GAS2: variants seen among roughly 807,000 people sequenced by gnomAD.
GAS2 encodes the protein growth arrest specific 2, also known as growth arrest-specific protein 2.
Under a neutral mutation model 37.5 loss-of-function variants are expected in GAS2, and 20 were observed. The observed-to-expected ratio is 0.53, with a 90% CI of 0.37 to 0.77. GAS2 has a LOEUF of 0.77. Among genes scored for constraint, GAS2 ranks in the 30% least tolerant of loss-of-function variants. The probability of loss-of-function intolerance (pLI) is 0.00; values close to 1 mark genes in which losing one functional copy is unlikely to be tolerated. For missense variants in GAS2, 336 were observed against 373.4 expected, an observed-to-expected ratio of 0.90 and a Z score of 0.82; for synonymous variants, 144 against 132.2, an observed-to-expected ratio of 1.09 and a Z score of -0.61.
At chr11:22,797,398 T>C (rs1856479819) in intron 7 of GAS2, among the ~76,000 whole-genome samples, 1 of 152,126 alleles carries the variant, frequency 6.6e-6, no homozygotes. Flanking sequence ...CAGGAACTTT[T>C]TTCTGTTCAG....
rs150074863 is a variant in GAS2, at chr11:22,721,173, G to A, written c.268-5119G>A. Among the ~76,000 whole-genome samples, 176 of 152,056 alleles carry A rather than the reference G, an allele frequency of 1.2e-3. 2 individuals are homozygous for A. The highest frequency in any genetic ancestry group is 3.6e-3 in the African/African-American group (150 of 41,522). ...TGAAAGTGAACGTTGTGTACCTAGA[G>A]CACTGAAGGCACTTACAACATGAGT... On this transcript the variant is annotated intron_variant, in intron 3 of 7. Coordinates refer to ENST00000454584, the MANE Select transcript of GAS2 (RefSeq NM_001143830.3).
intron 7 of GAS2, among the ~76,000 whole-genome samples, chr11:22,783,058 CT>C (rs1333495277): frequency 1.3e-5 from 2 of 152,096 alleles, no homozygotes; most frequent in African/African-American, 2.4e-5. Context: ...ATTTACATAC[CT>C]CACCAACAGT....
intron 7 of GAS2, among the ~76,000 whole-genome samples, chr11:22,802,295 TG>T (rs1225955651): frequency 8.0e-5 from 12 of 150,184 alleles, no homozygotes; most frequent in Admixed American, 7.3e-4. Flanking sequence ...ACATCACACA[TG>T]GGGGCCTGTT....
intron 7 of GAS2, among the ~76,000 whole-genome samples, chr11:22,772,665 G>A (rs1855042733): frequency 6.6e-6 from 1 of 152,106 alleles, no homozygotes; most frequent in Admixed American, 6.5e-5. Flanking sequence ...TCCATTTGGA[G>A]GGGCTAAAAA....
At chr11:22,805,289 A>G (rs1474754892) in intron 7 of GAS2, among the ~76,000 whole-genome samples, 2 of 152,198 alleles carry the variant, frequency 1.3e-5, no homozygotes, top group Non-Finnish European at 2.9e-5. Context: ...GTAAAGTTTT[A>G]AAGTACATAT....
At chr11:22,719,003 G>A (rs1196396476) in intron 3 of GAS2, among the ~76,000 whole-genome samples, 1 of 151,974 alleles carries the variant, frequency 6.6e-6, no homozygotes, top group Non-Finnish European at 1.5e-5. Flanking sequence ...CAATGACATA[G>A]TAATCTTTTT....
intron 7 of GAS2, among the ~76,000 whole-genome samples, chr11:22,807,921 C>T (rs764451000): frequency 6.6e-6 from 1 of 152,144 alleles, no homozygotes; most frequent in East Asian, 1.9e-4. Flanking sequence ...AGTTGCTTGA[C>T]ACTGTCTGGG....
chr11:22,651,016 T>A (rs1848768754), intron 1 of GAS2, among the ~76,000 whole-genome samples: 2 of 152,208 alleles, frequency 1.3e-5, no homozygotes, highest in African/African-American at 4.8e-5. Flanking sequence ...CCTAGTCTTG[T>A]TGGTCTTTAC....
At chr11:22,651,457 C>A (rs1224028735) in intron 1 of GAS2, among the ~76,000 whole-genome samples, 1 of 152,042 alleles carries the variant, frequency 6.6e-6, no homozygotes, top group African/African-American at 2.4e-5. Flanking sequence ...TGAATCTGAA[C>A]GTTGGCCTGC....
chr11:22,771,244 C>T (rs1296081178), intron 7 of GAS2, among the ~76,000 whole-genome samples: 1 of 152,092 alleles, frequency 6.6e-6, no homozygotes, highest in African/African-American at 2.4e-5. Flanking sequence ...AATTCTTGTG[C>T]TCCAGGAATG....
Position 22,674,865 on chromosome 11 carries a change from A to G in GAS2, c.-5A>G. 1 of 1,576,290 alleles carries G rather than the reference A, an allele frequency of 6.3e-7. No homozygotes were observed. The highest frequency in any genetic ancestry group is 8.6e-7 in the Non-Finnish European group (1 of 1,163,700). On this transcript the variant is annotated 5_prime_UTR_variant, in exon 2 of 8. It adds an upstream start codon to the 5' untranslated region. Coordinates refer to ENST00000454584, the MANE Select transcript of GAS2 (RefSeq NM_001143830.3). ...TCCAAAACAGGTATTACAAGTGGAT[A>G]AATAATGTGCACTGCTCTGAGCCCA...
intron 3 of GAS2, among the ~76,000 whole-genome samples, chr11:22,708,072 T>C (rs1590680374): frequency 7.0e-6 from 1 of 143,074 alleles, no homozygotes; most frequent in Non-Finnish European, 1.5e-5. Context: ...AAAACAACAA[T>C]GAGCTAGATT....
At chr11:22,747,190 T>C (rs1347142417) in intron 5 of GAS2, among the ~76,000 whole-genome samples, 1 of 152,178 alleles carries the variant, frequency 6.6e-6, no homozygotes. Flanking sequence ...CTTATTTTTA[T>C]ATGAGAATAG....
chr11:22,661,018 T>C (rs983203960), intron 1 of GAS2, among the ~76,000 whole-genome samples: 3 of 152,254 alleles, frequency 2.0e-5, no homozygotes, highest in South Asian at 2.1e-4. Flanking sequence ...GTTACAATAA[T>C]GGAAGTTTCA....
chr11:22,766,368 GC>G (rs1854695456), intron 7 of GAS2, among the ~76,000 whole-genome samples: 1 of 151,786 alleles, frequency 6.6e-6, no homozygotes, highest in South Asian at 2.1e-4. Context: ...AAGTGTCAAA[GC>G]CTTTATTTGA....
In GAS2 at chr11:22,629,035, G is replaced by GTA. The variant is rs564605468; in HGVS notation, c.-21+3235_-21+3236dup. 9.6e-3 allele frequency among the ~76,000 whole-genome samples: 1,452 copies of GTA among 151,446 alleles called. 21 individuals carry two copies. The highest frequency in any genetic ancestry group is 0.033 in the African/African-American group (1,344 of 41,270). On this transcript the variant is annotated intron_variant, in intron 1 of 5. Transcript: ENST00000528582. Reference sequence around the variant, plus strand: ...TGTGTGTATGTATGTATGCATGTGTGTATATATATATATAACTTTTTTATC... The same window carrying GTA: ...TGTGTGTATGTATGTATGCATGTGTGTATATATATATATATAACTTTTTTATC...
In GAS2 at chr11:22,748,300, A is replaced by C. The variant is rs576230069; in HGVS notation, c.474-820A>C. 1.2e-4 allele frequency among the ~76,000 whole-genome samples: 19 copies of C among 152,108 alleles called. No individual in the cohort carries two copies. In the East Asian group the frequency reaches 3.3e-3, roughly 26 times the overall value. On this transcript the variant is annotated intron_variant, in intron 5 of 7. Transcript: ENST00000454584. ...GAGAGGGTGTAAATTGATGATCCCC[A>C]AAACCCTTCACAACTCTCAAATTCT...
chr11:22,644,996 T>C (rs1566380), intron 1 of GAS2, among the ~76,000 whole-genome samples: 69,177 of 151,986 alleles, frequency 0.46, 19,169 homozygotes, highest in South Asian at 0.66. Flanking sequence ...GAATTTTCTA[T>C]CTTATTGATG....
chr11:22,775,376 G>A (rs1855206983), intron 7 of GAS2, among the ~76,000 whole-genome samples: 1 of 152,132 alleles, frequency 6.6e-6, no homozygotes, highest in Admixed American at 6.5e-5. Flanking sequence ...TACTGTGTGA[G>A]GCTATCTTGT....
Sources: gnomAD v4.1 joint callset for allele counts (sites outside exome capture counted in the v4.1 genomes callset) on GRCh38, gnomAD v4.1.1 for gene constraint, MANE v1.5 for transcripts, NCBI Gene and HGNC (gene_info 2026-07-23, HGNC 2026-07-21) for gene names.